RTBDN: variants seen among roughly 807,000 people sequenced by gnomAD.
The protein encoded by RTBDN is retbindin.
Under a neutral mutation model 21.9 loss-of-function variants are expected in RTBDN, and 24 were observed. The ratio of observed to expected loss-of-function variants is 1.10; its 90% CI spans 0.79 to 1.54. RTBDN has a LOEUF of 1.54. Ranked by LOEUF, RTBDN falls within the 40% of genes most tolerant of loss-of-function variation. RTBDN has a pLI of 0.00. For missense variants in RTBDN, 325 were observed against 315.2 expected (o/e 1.03, Z -0.23); for synonymous variants, 141 against 125.9 (o/e 1.12, Z -0.80).
chr19:12,825,999 G>C lies in RTBDN; in HGVS notation c.463-66C>G. ...AGAGACGTGGGGGGCGTGGCCTCGG[G>C]AAGGGAAAAATGTGTAAATTCCTTA... is the stretch of plus-strand genomic sequence containing the variant. On this transcript the variant is annotated intron_variant, in intron 5 of 5. Transcript: ENST00000674343. The C allele has an allele frequency of 2.0e-6, 3 of 1,468,682 alleles. No homozygotes were observed. In the South Asian group the frequency reaches 4.2e-5, roughly 21 times the overall value. The allele number at this position is 1,468,682 out of a possible 1,614,324, so 91.0% of individuals were successfully genotyped here.
intron 1 of RTBDN, among the ~76,000 whole-genome samples, chr19:12,831,034 G>A (rs892244207): frequency 6.6e-6 from 1 of 151,456 alleles, no homozygotes; most frequent in Non-Finnish European, 1.5e-5. Flanking sequence ...GTGTGTGTGT[G>A]TGTGTGTGTG....
Position 12,830,110 on chromosome 19 carries a change from G to A in RTBDN, c.-18-113C>T. Reference sequence around the variant, plus strand: ...GCAGAGTAGGGAAAGTGCAGCTGAGGAGGAGGCTGGGGCAGTGGCCAAGGA... The same window carrying A: ...GCAGAGTAGGGAAAGTGCAGCTGAGAAGGAGGCTGGGGCAGTGGCCAAGGA... On this transcript the variant is annotated intron_variant, in intron 1 of 5. Transcript: ENST00000674343. The surrounding 1 kb of genome is among the most constrained non-coding windows in gnomAD (Gnocchi z 4.2). The A allele has an allele frequency of 7.4e-7, 1 of 1,358,706 alleles. No individual in the cohort carries two copies. The highest frequency in any genetic ancestry group is 9.9e-7 in the Non-Finnish European group (1 of 1,007,270). 84.2% of individuals were successfully genotyped at this position (1,358,706 alleles called of 1,614,324 possible).
At chr19:12,835,272 C>T (rs1037064428), upstream of RTBDN, 13 of 647,478 alleles carry the variant, frequency 2.0e-5, no homozygotes, top group African/African-American at 3.6e-5. Flanking sequence ...CCAGATGGCC[C>T]GATCTCCGGA....
At chr19:12,834,703 T>C (rs981206148), upstream of RTBDN, 11 of 1,544,650 alleles carry the variant, frequency 7.1e-6, no homozygotes, top group African/African-American at 1.5e-4. This position sits in a 1 kb window ranked among gnomAD's most constrained non-coding sequence, Gnocchi z 4.7. Flanking sequence ...GAGCCGTGCG[T>C]CCACTGCACG....
At position 12,834,573 on chromosome 19, in the gene RTBDN, C is replaced by T. The variant is rs535641256; in HGVS notation, c.-103G>A. On this transcript the variant is annotated 5_prime_UTR_variant, in exon 1 of 6. The change creates a new upstream start codon in the 5' untranslated region. Coordinates refer to ENST00000674343, the MANE Select transcript of RTBDN (RefSeq NM_001270441.2). The surrounding 1 kb of genome is among the most constrained non-coding windows in gnomAD (Gnocchi z 4.7). ...CTCACTCTTCATTCCACCTCCTCCACTACAACATCCGCCCCCCCACCGCGA... is the reference window on the plus strand; with the variant it reads ...CTCACTCTTCATTCCACCTCCTCCATTACAACATCCGCCCCCCCACCGCGA... The T allele has an allele frequency of 9.1e-5, 138 of 1,522,096 alleles. No homozygotes were observed. The highest frequency in any genetic ancestry group is 1.2e-4 in the Non-Finnish European group (132 of 1,136,340). 94.3% of individuals were successfully genotyped at this position (1,522,096 alleles called of 1,614,324 possible). A position where few individuals can be genotyped will look rare whatever the true frequency, so the allele number is the denominator to read the frequency against.
intron 4 of RTBDN, among the ~76,000 whole-genome samples, chr19:12,827,454 C>T (rs930093660): frequency 6.6e-6 from 1 of 151,340 alleles, no homozygotes; most frequent in East Asian, 2.0e-4. Context: ...TCCCGAGTAG[C>T]TGGGATTACA....
intron 1 of RTBDN, among the ~76,000 whole-genome samples, chr19:12,833,668 T>C (rs1427369139): frequency 6.6e-6 from 1 of 152,058 alleles, no homozygotes; most frequent in East Asian, 1.9e-4. Context: ...TCTCTTTTTA[T>C]AGTGGTCTCT....
chr19:12,826,693 T>C, intron 5 of RTBDN, 82 bp downstream of exon 5: 1 of 1,027,042 alleles, frequency 9.7e-7, no homozygotes, highest in South Asian at 1.4e-5. Context: ...AAACTCCGTC[T>C]CAGAAATAAA....
chr19:12,825,698 C>G lies in RTBDN; in HGVS notation c.*8G>C. The G allele has an allele frequency of 6.4e-7, 1 of 1,556,214 alleles. No homozygotes were observed. The highest frequency in any genetic ancestry group is 8.7e-7 in the Non-Finnish European group (1 of 1,151,570). Reference sequence around the variant, plus strand: ...GGGTCGCTCCCCCAACTCAGGGCCACGCGTCCGCTAGGGGCCGCTGCCGCT... The same window carrying G: ...GGGTCGCTCCCCCAACTCAGGGCCAGGCGTCCGCTAGGGGCCGCTGCCGCT... On this transcript the variant is annotated 3_prime_UTR_variant, in exon 6 of 6. Coordinates refer to ENST00000674343, the MANE Select transcript of RTBDN (RefSeq NM_001270441.2).
In RTBDN at chr19:12,826,845, G is replaced by T; in HGVS notation, c.392C>A (p.Thr131Asn). 6.4e-7 allele frequency: 1 copy of T among 1,553,154 alleles called. No homozygotes were observed. Among genetic ancestry groups the T allele is most frequent in the Non-Finnish European group, 8.7e-7 (1 of 1,148,690 alleles). ...AWFANCEDDI[T>N]CGPTWLPLSE... ...GAGTGGGAGCCAAGTCGGGCCGCAG[G>T]TGATATCATCTTCGCAGTTGGCGAA... Residue 131 changes from threonine to asparagine, a missense_variant, in exon 5 of 6, where the codon ACC (threonine) becomes AAC (asparagine). Coordinates refer to ENST00000674343, the MANE Select transcript of RTBDN (RefSeq NM_001270441.2).
Position 12,825,805 on chromosome 19 carries a change from CCGT to C in RTBDN, c.588_590del (p.Arg197del). ...AACGCCGGGAGGGAGCTTCCCGGCC[CCGT>C]CGTCCTGGTCTGGGACGAGGTACCG... is the stretch of plus-strand genomic sequence containing the variant. On this transcript the variant is annotated inframe_deletion, in exon 6 of 6. Coordinates refer to ENST00000674343, the MANE Select transcript of RTBDN (RefSeq NM_001270441.2). 6.2e-7 allele frequency: 1 copy of C among 1,612,206 alleles called. No individual in the cohort carries two copies. Among genetic ancestry groups the C allele is most frequent in the Non-Finnish European group, 8.5e-7 (1 of 1,178,994 alleles).
intron 1 of RTBDN, among the ~76,000 whole-genome samples, chr19:12,831,032 G>GTA (rs1969555019): frequency 6.6e-6 from 1 of 151,176 alleles, no homozygotes; most frequent in Non-Finnish European, 1.5e-5. Context: ...GTGTGTGTGT[G>GTA]TGTGTGTGTG....
At chr19:12,831,681 G>C (rs1037317998) in intron 1 of RTBDN, among the ~76,000 whole-genome samples, 3 of 152,202 alleles carry the variant, frequency 2.0e-5, no homozygotes, top group Non-Finnish European at 4.4e-5. Flanking sequence ...ACTCCAGCCT[G>C]TGCAACAGAG....
Position 12,830,520 on chromosome 19 carries a change from T to C in RTBDN, c.-18-523A>G, listed in dbSNP as rs1969529512. The C allele has an allele frequency of 1.0e-6, 1 of 984,394 alleles. No homozygotes were observed. Among genetic ancestry groups the C allele is most frequent in the Non-Finnish European group, 1.2e-6 (1 of 828,928 alleles). 61.0% of individuals were successfully genotyped at this position (984,394 alleles called of 1,614,324 possible). On this transcript the variant is annotated intron_variant, in intron 1 of 5. Coordinates refer to ENST00000674343, the MANE Select transcript of RTBDN (RefSeq NM_001270441.2). This position sits in a 1 kb window ranked among gnomAD's most constrained non-coding sequence, Gnocchi z 4.2. ...CTGGTGTGGCAGGGCTCAGGTTCTG[T>C]CACTGGGGCCCAAAGCCCCGAGGCA...
chr19:12,826,298 G>C, intron 5 of RTBDN: 1 of 1,218,868 alleles, frequency 8.2e-7, no homozygotes, highest in Non-Finnish European at 1.0e-6. Flanking sequence ...GAGCTTTTGG[G>C]GTCAAAGGGC....
intron 1 of RTBDN, among the ~76,000 whole-genome samples, chr19:12,831,099 T>C (rs1026862586): frequency 4.0e-5 from 6 of 151,866 alleles, no homozygotes; most frequent in African/African-American, 1.5e-4. Flanking sequence ...TCCCAAGCAA[T>C]GTGTTTGCAG....
At chr19:12,835,201 C>A, upstream of RTBDN, 2 of 1,164,834 alleles carry the variant, frequency 1.7e-6, no homozygotes, top group Non-Finnish European at 2.6e-6. Context: ...GAAGGACCTT[C>A]CAGGCGTCTG....
upstream of RTBDN, chr19:12,834,876 A>C (rs932764437): frequency 6.2e-7 from 1 of 1,611,792 alleles, no homozygotes; most frequent in Non-Finnish European, 8.5e-7. The surrounding 1 kb of genome is among the most constrained non-coding windows in gnomAD (Gnocchi z 4.7). Flanking sequence ...GTTCAGGGTT[A>C]ATACGGAGGT....
At position 12,827,142 on chromosome 19, in the gene RTBDN, C is replaced by A. The variant is rs536187099; in HGVS notation, c.366-271G>T. 6.6e-5 allele frequency among the ~76,000 whole-genome samples: 10 copies of A among 152,124 alleles called. No individual in the cohort carries two copies. In the South Asian group the frequency reaches 1.0e-3, roughly 16 times the overall value. On this transcript the variant is annotated intron_variant, in intron 4 of 5. Transcript: ENST00000674343. ...TACAGGCCAGTCCCTCATATTTTCC[C>A]ACTCTTTCGTTTTCCTTTTATTTAT...
Sources: gnomAD v4.1 joint callset for allele counts (sites outside exome capture counted in the v4.1 genomes callset) on GRCh38, gnomAD v4.1.1 for gene constraint, Gnocchi (gnomAD v3.1) non-coding constraint, MANE v1.5 for transcripts, NCBI Gene and HGNC (gene_info 2026-07-23, HGNC 2026-07-21) for gene names.